TEX14: variants seen among roughly 807,000 people sequenced by gnomAD.
The protein encoded by TEX14 is inactive serine/threonine-protein kinase TEX14.
TEX14 carries 168 observed loss-of-function variants against 178.6 expected under a neutral mutation model. The observed-to-expected ratio is 0.94, with a 90% CI of 0.83 to 1.07. The LOEUF (loss-of-function observed/expected upper bound fraction) is 1.07, where lower values mean the gene tolerates loss of function less well. TEX14 is among the 50% of genes least tolerant of loss of function. TEX14 has a pLI of 0.00. For missense variants in TEX14, 1,730 were observed against 1,753.6 expected (o/e 0.99, Z 0.24); for synonymous variants, 626 against 634.1 (o/e 0.99, Z 0.19).
At chr17:58,644,638 CTTTTTTTTTTTTTT>C (rs34373378) in intron 2 of TEX14, among the ~76,000 whole-genome samples, 1 of 39,566 alleles carries the variant, frequency 2.5e-5, no homozygotes, top group Non-Finnish European at 4.3e-5. Flanking sequence ...CCGCACCTGG[CTTTTTTTTTTTTTT>C]TTTTTTTTTT....
rs752026543 is a variant in TEX14, at chr17:58,630,474, C to G, written c.217G>C (p.Asp73His). ...TCTGATCCATAATCCACCAGAACAT[C>G]AACGAATTTCCTAAGGCCCAATAAC... Reference protein sequence around the residue: ...AALLGLRKFVDVLVDYGSDPN... With the variant: ...AALLGLRKFVHVLVDYGSDPN... Residue 73 changes from aspartate to histidine, a missense_variant, in exon 3 of 32, where the codon GAT becomes CAT. Physicochemically the swap from Asp to His is moderately conservative, Grantham distance 81 (BLOSUM62 -1). Around this residue, in one of 2 missense-constraint regions of TEX14, gnomAD observed 789 missense variants for 681.2 expected, o/e 1.16. Coordinates refer to ENST00000349033, the MANE Select transcript of TEX14 (RefSeq NM_031272.5). 31 of 1,613,916 alleles carry G rather than the reference C, an allele frequency of 1.9e-5. No homozygotes were observed. The highest frequency in any genetic ancestry group is 2.5e-5 in the Non-Finnish European group (29 of 1,179,936).
chr17:58,651,980 G>A lies in TEX14; in HGVS notation c.22C>T (p.Pro8Ser). Reference protein sequence around the residue: MSRAVRLPVPCPVQLGTL... With the variant: MSRAVRLSVPCPVQLGTL... ...CCAAGTTGAACAGGACAGGGGACTG[G>A]AAGACGAACAGCCCGAGACATCCTG... is the stretch of plus-strand genomic sequence containing the variant. Residue 8 changes from proline (P) to serine (S), a missense_variant, in exon 2 of 32, where the codon CCA becomes TCA. Physicochemically the swap from Pro to Ser is moderately conservative, Grantham distance 74. Transcript: ENST00000349033. 1 of 1,596,202 alleles carries A rather than the reference G, an allele frequency of 6.3e-7. No homozygotes were observed. Among genetic ancestry groups the A allele is most frequent in the Non-Finnish European group, 8.5e-7 (1 of 1,173,532 alleles).
chr17:58,561,679 T>C (rs951162688), intron 28 of TEX14, 67 bp from the exon 29 acceptor site: 3 of 1,079,580 alleles, frequency 2.8e-6, no homozygotes, highest in African/African-American at 3.1e-5. Context: ...CAAAGATGCA[T>C]AACACTTTAG....
chr17:58,577,900 G>C (rs561865118), intron 20 of TEX14, among the ~76,000 whole-genome samples: 1 of 152,196 alleles, frequency 6.6e-6, no homozygotes, highest in African/African-American at 2.4e-5. Flanking sequence ...GGGCGTGGGC[G>C]TGGGCGTGGG....
intron 11 of TEX14, among the ~76,000 whole-genome samples, chr17:58,604,174 G>A (rs903453764): frequency 1.3e-5 from 2 of 151,412 alleles, no homozygotes; most frequent in African/African-American, 4.9e-5. Flanking sequence ...CAATATTCAG[G>A]TTAAAAAGTT....
At chr17:58,635,237 A>T (rs1334555598) in intron 2 of TEX14, among the ~76,000 whole-genome samples, 1 of 152,182 alleles carries the variant, frequency 6.6e-6, no homozygotes, top group Non-Finnish European at 1.5e-5. Flanking sequence ...TCTCATCCAT[A>T]CACATGTAGC....
intron 15 of TEX14, among the ~76,000 whole-genome samples, chr17:58,590,560 TG>T (rs2045107645): frequency 6.6e-6 from 1 of 151,782 alleles, no homozygotes; most frequent in Non-Finnish European, 1.5e-5. Context: ...TTGTTGTTGT[TG>T]TTGTTGTTGT....
chr17:58,600,590 C>T (rs2045409822), intron 13 of TEX14, among the ~76,000 whole-genome samples: 1 of 150,908 alleles, frequency 6.6e-6, no homozygotes, highest in Non-Finnish European at 1.5e-5. Flanking sequence ...CTAGATACCA[C>T]CCAAGGAGCC....
intron 1 of TEX14, chr17:58,659,285 T>C (rs1406523777): frequency 4.2e-6 from 4 of 947,084 alleles, no homozygotes; most frequent in African/African-American, 1.8e-5. Context: ...CAACAGCGTC[T>C]CTCCCCCGCC....
intron 1 of TEX14, among the ~76,000 whole-genome samples, chr17:58,658,092 C>T (rs1012746524): frequency 2.6e-5 from 4 of 152,222 alleles, no homozygotes; most frequent in African/African-American, 9.6e-5. Flanking sequence ...CCAATTAGCA[C>T]TCCTGGCTCA....
intron 7 of TEX14, among the ~76,000 whole-genome samples, chr17:58,615,894 G>A (rs1385032756): frequency 6.6e-6 from 1 of 152,204 alleles, no homozygotes. Flanking sequence ...AGACAGTTTG[G>A]TTGTCACAGC....
At chr17:58,601,430 G>A (rs751820372) in intron 13 of TEX14, among the ~76,000 whole-genome samples, 4 of 151,628 alleles carry the variant, frequency 2.6e-5, no homozygotes, top group Non-Finnish European at 5.9e-5. Context: ...GCTGAGGCAG[G>A]AGAATTGCTT....
intron 1 of TEX14, among the ~76,000 whole-genome samples, chr17:58,665,883 T>C (rs1410952183): frequency 6.6e-6 from 1 of 151,860 alleles, no homozygotes; most frequent in African/African-American, 2.4e-5. Context: ...TCGTCTCTAC[T>C]AAAAATACAA....
rs1039936859 is a variant in TEX14, at chr17:58,569,393, C to G, written c.3818-133G>C. 4.5e-6 allele frequency: 3 copies of G among 672,048 alleles called. No homozygotes were observed. Among genetic ancestry groups the G allele is most frequent in the Non-Finnish European group, 5.2e-6 (2 of 386,130 alleles). 41.6% of individuals were successfully genotyped at this position (672,048 alleles called of 1,614,324 possible). On this transcript the variant is annotated intron_variant, in intron 25 of 31. Transcript: ENST00000349033. The surrounding 1 kb of genome is among the most constrained non-coding windows in gnomAD (Gnocchi z 4.1). Reference sequence around the variant, plus strand: ...TGAAACAAACTAAGGAGGAAGGAAGCCTCTTACATAATAGTTCCAGTAGAG... The same window carrying G: ...TGAAACAAACTAAGGAGGAAGGAAGGCTCTTACATAATAGTTCCAGTAGAG...
chr17:58,680,941 C>A (rs960759416), intron 1 of TEX14, among the ~76,000 whole-genome samples: 2 of 152,084 alleles, frequency 1.3e-5, no homozygotes, highest in African/African-American at 4.8e-5. Flanking sequence ...TCACTGACTT[C>A]AAGCTCACGG....
chr17:58,573,309 C>T lies in TEX14; in HGVS notation c.3384-1G>A, dbSNP rs201112911. ...CAGGTCTTGAATATCCGTCAATGAT[C>T]TAAAGAATTAAGAGCACACAGTAAT... On this transcript the variant is annotated splice_acceptor_variant, in intron 22 of 31. Coordinates refer to ENST00000349033, the MANE Select transcript of TEX14 (RefSeq NM_031272.5). LOFTEE classifies it high-confidence loss of function. 66 of 1,613,152 alleles carry T rather than the reference C, an allele frequency of 4.1e-5. No individual in the cohort carries two copies. The highest frequency in any genetic ancestry group is 1.2e-4 in the Admixed American group (7 of 59,974).
intron 1 of TEX14, among the ~76,000 whole-genome samples, chr17:58,669,733 C>CAAA (rs71367615): frequency 0.19 from 10,909 of 56,152 alleles, 1,145 homozygotes; most frequent in Non-Finnish European, 0.26. Flanking sequence ...GACTCCGTCT[C>CAAA]AAAAAAAAAA....
At chr17:58,574,068 C>A in intron 22 of TEX14, 119 bp downstream of exon 22, 1 of 789,586 alleles carries the variant, frequency 1.3e-6, no homozygotes, top group Non-Finnish European at 2.1e-6. Flanking sequence ...AAAGAAGCAG[C>A]ATACTCACAT....
chr17:58,580,211 T>C (rs1019253502), intron 19 of TEX14, among the ~76,000 whole-genome samples: 8 of 152,224 alleles, frequency 5.3e-5, no homozygotes, highest in African/African-American at 1.9e-4. Flanking sequence ...CTTGCTATGT[T>C]GCTCAAGCTG....
Sources: allele counts gnomAD v4.1 joint callset (sites outside exome capture counted in the v4.1 genomes callset), GRCh38; gene constraint gnomAD v4.1.1; regional missense constraint gnomAD v4.1.1; non-coding constraint Gnocchi (gnomAD v3.1); transcripts MANE v1.5; gene names NCBI Gene and HGNC (gene_info 2026-07-23, HGNC 2026-07-21).